Variants in FAM193A observed in about 807,000 individuals in gnomAD.
FAM193A encodes the protein protein FAM193A.
In FAM193A, 22 loss-of-function variants were observed where a neutral mutation model predicts 126.5. That is an observed-to-expected ratio of 0.17 (90% CI 0.12 to 0.25). The LOEUF is 0.25. FAM193A is among the 10% of genes least tolerant of loss of function. The probability of loss-of-function intolerance (pLI) is 1.00; values close to 1 mark genes in which losing one functional copy is unlikely to be tolerated. For missense variants in FAM193A, 1,675 were observed against 1,672.8 expected, an observed-to-expected ratio of 1.00 and a Z score of -0.02; for synonymous variants, 761 against 646.8, an observed-to-expected ratio of 1.18 and a Z score of -2.68.
chr4:2,631,694 G>A (rs1345510403), intron 5 of FAM193A, among the ~76,000 whole-genome samples: 1 of 152,208 alleles, frequency 6.6e-6, no homozygotes, highest in Non-Finnish European at 1.5e-5. Context: ...TCTCAAGACA[G>A]GCCCTATCAC....
intron 14 of FAM193A, 147 bp downstream of exon 14, chr4:2,689,851 C>T (rs894225327): frequency 1.5e-5 from 9 of 586,792 alleles, no homozygotes; most frequent in Admixed American, 3.7e-5. Context: ...CCCCTCGGGG[C>T]TGTCATCCTA....
intron 13 of FAM193A, among the ~76,000 whole-genome samples, chr4:2,678,272 C>T (rs1211529320): frequency 1.3e-5 from 2 of 152,090 alleles, no homozygotes; most frequent in Non-Finnish European, 2.9e-5. Flanking sequence ...GCGTGAGCCA[C>T]CGCGCCTGGC....
intron 1 of FAM193A, among the ~76,000 whole-genome samples, chr4:2,592,097 AT>A (rs894871925): frequency 1.7e-4 from 25 of 148,836 alleles, no homozygotes; most frequent in South Asian, 6.4e-4. Context: ...CATATATATA[AT>A]TTTTTTTTTT....
chr4:2,618,620 A>G (rs1418778116), intron 2 of FAM193A, among the ~76,000 whole-genome samples: 1 of 121,556 alleles, frequency 8.2e-6, no homozygotes, highest in Non-Finnish European at 1.7e-5. Flanking sequence ...TTTGAGACGA[A>G]GTTTTGCTCT....
In FAM193A at chr4:2,686,590, A is replaced by G. The variant is rs1396384745; in HGVS notation, c.2332-2916A>G. Among the ~76,000 whole-genome samples, 8 of 152,230 alleles carry G rather than the reference A, an allele frequency of 5.3e-5. No homozygotes were observed. The East Asian group carries it at 1.2e-3, about 22-fold the overall frequency. ...GTGATGCTGATGAAATAGGGTTTTGAAGCATAAGCAAGAGCTCTCTGAACA... is the reference window on the plus strand; with the variant it reads ...GTGATGCTGATGAAATAGGGTTTTGGAGCATAAGCAAGAGCTCTCTGAACA... On this transcript the variant is annotated intron_variant, in intron 13 of 20. Coordinates refer to ENST00000637812, the MANE Select transcript of FAM193A (RefSeq NM_001366318.2).
At chr4:2,668,309 G>A (rs531114921) in intron 12 of FAM193A, among the ~76,000 whole-genome samples, 1 of 151,536 alleles carries the variant, frequency 6.6e-6, no homozygotes, top group Non-Finnish European at 1.5e-5. Context: ...TGCTTCCCAG[G>A]TTCAAGTGAT....
chr4:2,716,300 C>T (rs1719523562), intron 20 of FAM193A, among the ~76,000 whole-genome samples, 196 bp downstream of exon 20: 1 of 152,346 alleles, frequency 6.6e-6, no homozygotes, highest in Non-Finnish European at 1.5e-5. Context: ...AACACTCACA[C>T]AATCACTTCT....
intron 2 of FAM193A, among the ~76,000 whole-genome samples, chr4:2,622,893 G>A (rs964522658): frequency 6.6e-6 from 1 of 152,088 alleles, no homozygotes; most frequent in Non-Finnish European, 1.5e-5. Flanking sequence ...ACGGGGGCGG[G>A]CGGGGGCACA....
chr4:2,556,182 C>T (rs1738247608), intron 1 of FAM193A, among the ~76,000 whole-genome samples: 1 of 151,842 alleles, frequency 6.6e-6, no homozygotes, highest in Non-Finnish European at 1.5e-5. Flanking sequence ...AGGCATGAGC[C>T]ACTGTGCCCG....
At chr4:2,629,350 TTC>T (rs1209274401) in intron 4 of FAM193A, among the ~76,000 whole-genome samples, 2 of 152,196 alleles carry the variant, frequency 1.3e-5, no homozygotes, top group East Asian at 3.8e-4. Context: ...ATGAAATGCA[TTC>T]TGTTTCAGAG....
At chr4:2,705,273 CT>C (rs1427788523) in intron 19 of FAM193A, among the ~76,000 whole-genome samples, 1 of 152,214 alleles carries the variant, frequency 6.6e-6, no homozygotes, top group African/African-American at 2.4e-5. Context: ...CAGACATTCT[CT>C]CCCAGTTCAT....
chr4:2,726,417 C>CTTA (rs1720752306), intron 20 of FAM193A, among the ~76,000 whole-genome samples: 1 of 152,032 alleles, frequency 6.6e-6, no homozygotes, highest in Non-Finnish European at 1.5e-5. Flanking sequence ...TCTTTCTAAC[C>CTTA]CCCTTCCCTT....
intron 13 of FAM193A, among the ~76,000 whole-genome samples, chr4:2,684,888 G>A (rs1396759634): frequency 6.6e-6 from 1 of 152,210 alleles, no homozygotes; most frequent in Non-Finnish European, 1.5e-5. Context: ...CCAGACCAGG[G>A]GGGAAGAACG....
rs576639513 is a variant in FAM193A, at chr4:2,630,321, G to A, written c.804-614G>A. On this transcript the variant is annotated intron_variant, in intron 4 of 20. Coordinates refer to ENST00000637812, the MANE Select transcript of FAM193A (RefSeq NM_001366318.2). ...CACACCTTTATTGCTTTTTTGGTGG[G>A]ATAATTGTTAAAAAAAAAAGATAAA... Among the ~76,000 whole-genome samples the A allele has an allele frequency of 6.5e-5, 8 of 122,560 alleles. No homozygotes were observed. In the South Asian group the frequency reaches 1.9e-3, roughly 29 times the overall value. 80.4% of individuals were successfully genotyped at this position (122,560 alleles called of 152,430 possible). A position where few individuals can be genotyped will look rare whatever the true frequency, so the allele number is the denominator to read the frequency against.
chr4:2,707,405 A>C (rs1031756061), intron 19 of FAM193A, among the ~76,000 whole-genome samples: 22 of 152,122 alleles, frequency 1.4e-4, no homozygotes, highest in Admixed American at 1.4e-3. Flanking sequence ...ATTCTGAACT[A>C]TCCAATACAG....
At chr4:2,593,932 A>G (rs1441050892) in intron 1 of FAM193A, among the ~76,000 whole-genome samples, 1 of 149,838 alleles carries the variant, frequency 6.7e-6, no homozygotes, top group Non-Finnish European at 1.5e-5. Context: ...AAATACATGG[A>G]TTCTCATGGT....
At chr4:2,646,488 CA>C (rs576632420) in intron 6 of FAM193A, among the ~76,000 whole-genome samples, 196 bp from the exon 7 acceptor site, 98 of 152,252 alleles carry the variant, frequency 6.4e-4, no homozygotes, top group African/African-American at 2.2e-3. Flanking sequence ...CTCCTTTTTA[CA>C]AGTCTGTCCT....
intron 20 of FAM193A, among the ~76,000 whole-genome samples, chr4:2,717,036 A>G (rs942089086): frequency 1.3e-5 from 2 of 150,480 alleles, no homozygotes; most frequent in Admixed American, 6.6e-5. Context: ...CTAGAGTGCA[A>G]TGTTGTGATC....
At chr4:2,630,026 G>C (rs574510243) in intron 4 of FAM193A, among the ~76,000 whole-genome samples, 3 of 151,966 alleles carry the variant, frequency 2.0e-5, no homozygotes, top group Admixed American at 2.0e-4. Flanking sequence ...CAGCTATTCG[G>C]GAGGCTGAGG....
Sources: allele counts gnomAD v4.1 joint callset (sites outside exome capture counted in the v4.1 genomes callset), GRCh38; gene constraint gnomAD v4.1.1; transcripts MANE v1.5; gene names NCBI Gene and HGNC (gene_info 2026-07-23, HGNC 2026-07-21).